RBM15: variants seen among roughly 807,000 people sequenced by gnomAD.
RBM15 encodes the protein RNA-binding protein 15.
RBM15 carries 8 observed loss-of-function variants against 62.6 expected under a neutral mutation model. The observed-to-expected ratio is 0.13, with a 90% CI of 0.07 to 0.23. RBM15 has a LOEUF of 0.23. Ranked by LOEUF, RBM15 falls within the 10% of genes least tolerant of loss-of-function variation. The pLI is 1.00. For synonymous variants in RBM15, 606 were observed against 505.7 expected, an observed-to-expected ratio of 1.20 and a Z score of -2.66; for missense variants, 1,144 against 1,286.5, an observed-to-expected ratio of 0.89 and a Z score of 1.69.
In RBM15 at chr1:110,340,962, T is replaced by A. The variant is rs1660782237; in HGVS notation, c.1557T>A (p.Asp519Glu). 1 of 1,614,118 alleles carries A rather than the reference T, an allele frequency of 6.2e-7. No individual in the cohort carries two copies. Among genetic ancestry groups the A allele is most frequent in the South Asian group, 1.1e-5 (1 of 91,094 alleles). The change falls in exon 1 of 3, where the codon GAT (aspartate) becomes GAA (glutamate). Residue 519 changes from aspartate (D) to glutamate (E), a missense_variant. Asp to Glu is a conservative substitution (Grantham distance 45, BLOSUM62 2). Transcript: ENST00000369784. The surrounding 1 kb of genome is among the most constrained non-coding windows in gnomAD (Gnocchi z 5.8). ...HMRGFPLGGP[D>E]RRLRVDFADT... ...GGGGCTTCCCACTTGGTGGCCCAGA[T>A]CGACGCCTTAGAGTAGACTTTGCCG...
rs769028870 is a variant in RBM15 at position 110,341,970 on chromosome 1, T to C, written c.2565T>C (p.Asn855=). 5 of 1,614,218 alleles carry C rather than the reference T, an allele frequency of 3.1e-6. No individual in the cohort carries two copies. Among genetic ancestry groups the C allele is most frequent in the Non-Finnish European group, 4.2e-6 (5 of 1,180,034 alleles). ...VTRRIKVAGP[N]GYAILLAVPG... ...GACGCATCAAAGTAGCAGGGCCCAA[T>C]GGTTATGCCATTCTTTTGGCTGTGC... The change falls in exon 1 of 3, where the codon AAT becomes AAC. Residue 855 remains asparagine, a synonymous_variant. Transcript: ENST00000369784. The surrounding 1 kb of genome is among the most constrained non-coding windows in gnomAD (Gnocchi z 4.5).
chr1:110,343,026 T>G (rs1263336374), intron 1 of RBM15, among the ~76,000 whole-genome samples: 1 of 152,232 alleles, frequency 6.6e-6, no homozygotes, highest in Non-Finnish European at 1.5e-5. Context: ...AAAATCAGAA[T>G]TCTTTGGTCA....
chr1:110,342,361 T>G, intron 1 of RBM15, 93 bp downstream of exon 1: 1 of 1,032,014 alleles, frequency 9.7e-7, no homozygotes, highest in Non-Finnish European at 1.4e-6. Flanking sequence ...CAGATGCAAT[T>G]TTCTTTTTAG....
rs1660771767 is a variant in RBM15, at chr1:110,340,426, C to T, written c.1021C>T (p.Pro341Ser). 1.9e-6 allele frequency: 3 copies of T among 1,614,032 alleles called. No homozygotes were observed. Among genetic ancestry groups the T allele is most frequent in the Non-Finnish European group, 2.5e-6 (3 of 1,180,038 alleles). Residue 341 changes from proline to serine, a missense_variant, in exon 1 of 3, where the codon CCT becomes TCT. Pro to Ser is a moderately conservative substitution (Grantham distance 74). Around this residue, in one of 8 missense-constraint regions of RBM15, gnomAD observed 33 missense variants for 39.6 expected, o/e 0.83. Coordinates refer to ENST00000369784, the MANE Select transcript of RBM15 (RefSeq NM_022768.5). The surrounding 1 kb of genome is among the most constrained non-coding windows in gnomAD (Gnocchi z 5.8). ...CTACCCGTTCTATGAGAGAGTGCGC[C>T]CTGCATACAGTCTTGAGCCAAGGGT... ...RDYPFYERVR[P>S]AYSLEPRVGA...
intron 1 of RBM15, among the ~76,000 whole-genome samples, chr1:110,344,896 G>C (rs1031779001): frequency 1.3e-5 from 2 of 152,086 alleles, no homozygotes; most frequent in African/African-American, 4.8e-5. Context: ...ATCATTTAAT[G>C]ACTATTAAGT....
At position 110,345,526 on chromosome 1, in the gene RBM15, G is replaced by A; in HGVS notation, c.2864-13G>A. On this transcript the variant is annotated splice_polypyrimidine_tract_variant and intron_variant, in intron 1 of 2. Transcript: ENST00000369784. ...AGAATTTCTGGACATTTTTTTTTCT[G>A]TCTCTCTCACAGGGTTTGGTTTTCA... 2 of 1,567,248 alleles carry A rather than the reference G, an allele frequency of 1.3e-6. No individual in the cohort carries two copies. Among genetic ancestry groups the A allele is most frequent in the Non-Finnish European group, 1.7e-6 (2 of 1,143,330 alleles).
chr1:110,341,160 T>C lies in RBM15; in HGVS notation c.1755T>C (p.Asp585=). Residue 585 remains aspartate (D), a synonymous_variant, in exon 1 of 3, where the codon GAT becomes GAC. Coordinates refer to ENST00000369784, the MANE Select transcript of RBM15 (RefSeq NM_022768.5). This position sits in a 1 kb window ranked among gnomAD's most constrained non-coding sequence, Gnocchi z 4.5. The part of the protein sequence containing the change: ...DRDRDLYPDS[D]WVPPPPPVRE... Reference sequence around the variant, plus strand: ...ATAGGGACCTTTATCCTGACTCTGATTGGGTGCCACCCCCACCCCCAGTCC... The same window carrying C: ...ATAGGGACCTTTATCCTGACTCTGACTGGGTGCCACCCCCACCCCCAGTCC... 3 of 1,614,034 alleles carry C rather than the reference T, an allele frequency of 1.9e-6. No homozygotes were observed. The South Asian group carries it at 3.3e-5, about 18-fold the overall frequency.
Position 110,340,281 on chromosome 1 carries a change from A to C in RBM15, c.876A>C (p.Ser292=), listed in dbSNP as rs997538343. The change falls in exon 1 of 3, where the codon TCA becomes TCC. Residue 292 remains serine (S), a synonymous_variant. Coordinates refer to ENST00000369784, the MANE Select transcript of RBM15 (RefSeq NM_022768.5). The surrounding 1 kb of genome is among the most constrained non-coding windows in gnomAD (Gnocchi z 5.8). ...HPPGGGGGQR[S]LSPGGAALGY... is the part of the protein sequence containing the mutation. ...CTGGAGGTGGTGGAGGCCAGAGATC[A>C]CTTTCCCCTGGTGGCGCTGCTTTGG... is the stretch of plus-strand genomic sequence containing the variant. 6.2e-7 allele frequency: 1 copy of C among 1,614,084 alleles called. No individual in the cohort carries two copies. The highest frequency in any genetic ancestry group is 1.3e-5 in the African/African-American group (1 of 74,920).
intron 1 of RBM15, among the ~76,000 whole-genome samples, chr1:110,344,246 C>T (rs1164985290): frequency 6.6e-6 from 1 of 152,098 alleles, no homozygotes; most frequent in Non-Finnish European, 1.5e-5. Flanking sequence ...TACATTTTTC[C>T]AGTTTAAATA....
At position 110,341,557 on chromosome 1, in the gene RBM15, GACCGTAAAA is replaced by G. The variant is rs1284841927; in HGVS notation, c.2155_2163del (p.Arg719_Asn721del). The G allele has an allele frequency of 6.2e-7, 1 of 1,614,090 alleles. No individual in the cohort carries two copies. Among genetic ancestry groups the G allele is most frequent in the East Asian group, 2.2e-5 (1 of 44,866 alleles). The stretch of plus-strand genomic sequence containing the variant: ...GGAGAAGAGCCAGGGTGACAAGCGA[GACCGTAAAA>G]ACTCTGCATCAGCTGAACGAGATAG... On this transcript the variant is annotated inframe_deletion, in exon 1 of 3. Transcript: ENST00000369784. This position sits in a 1 kb window ranked among gnomAD's most constrained non-coding sequence, Gnocchi z 4.5.
At position 110,340,893 on chromosome 1, in the gene RBM15, G is replaced by A. The variant is rs749936145; in HGVS notation, c.1488G>A (p.Gln496=). 6.2e-7 allele frequency: 1 copy of A among 1,614,222 alleles called. No homozygotes were observed. The highest frequency in any genetic ancestry group is 8.5e-7 in the Non-Finnish European group (1 of 1,180,044). ...YRKGDSWAYI[Q]YESLDAAHAA... is the part of the protein sequence containing the mutation. Reference sequence around the variant, plus strand: ...AAGGTGATAGTTGGGCATATATCCAGTATGAAAGCCTGGATGCAGCGCATG... The same window carrying A: ...AAGGTGATAGTTGGGCATATATCCAATATGAAAGCCTGGATGCAGCGCATG... The change falls in exon 1 of 3, where the codon CAG becomes CAA. Residue 496 remains glutamine, a synonymous_variant. Transcript: ENST00000369784. This position sits in a 1 kb window ranked among gnomAD's most constrained non-coding sequence, Gnocchi z 5.8.
At chr1:110,342,428 T>G in intron 1 of RBM15, 160 bp downstream of exon 1, 1 of 553,630 alleles carries the variant, frequency 1.8e-6, no homozygotes, top group Non-Finnish European at 3.0e-6. Flanking sequence ...AAAATAGAAA[T>G]CAGGACAGTT....
chr1:110,346,356 G>A lies in RBM15; in HGVS notation c.*89G>A. 6.3e-7 allele frequency: 1 copy of A among 1,598,068 alleles called. No individual in the cohort carries two copies. Among genetic ancestry groups the A allele is most frequent in the South Asian group, 1.1e-5 (1 of 91,054 alleles). Reference sequence around the variant, plus strand: ...AAGATATGGAATTCAAAGCTCTAATGGACCTTTTTGAAGAGAAGTTGTGGC... The same window carrying A: ...AAGATATGGAATTCAAAGCTCTAATAGACCTTTTTGAAGAGAAGTTGTGGC... On this transcript the variant is annotated 3_prime_UTR_variant, in exon 3 of 3. Coordinates refer to ENST00000369784, the MANE Select transcript of RBM15 (RefSeq NM_022768.5).
At chr1:110,342,511 A>T (rs1403240020) in intron 1 of RBM15, 1 of 403,160 alleles carries the variant, frequency 2.5e-6, no homozygotes, top group Non-Finnish European at 4.4e-6. Context: ...GCAGGCAGAC[A>T]GATTTGCTTT....
At position 110,340,247 on chromosome 1, in the gene RBM15, G is replaced by A. The variant is rs1376959933; in HGVS notation, c.842G>A (p.Arg281Gln). Residue 281 changes from arginine to glutamine, a missense_variant, in exon 1 of 3, where the codon CGG (arginine) becomes CAG (glutamine). By Grantham distance (43) the Arg-to-Gln change is conservative. Coordinates refer to ENST00000369784, the MANE Select transcript of RBM15 (RefSeq NM_022768.5). This position sits in a 1 kb window ranked among gnomAD's most constrained non-coding sequence, Gnocchi z 5.8. ...GTCGGGGCCTCTGTAGGTGGTCACCGGCACCCCCCTGGAGGTGGTGGAGGC... is the reference window on the plus strand; with the variant it reads ...GTCGGGGCCTCTGTAGGTGGTCACCAGCACCCCCCTGGAGGTGGTGGAGGC... ...SVVGASVGGH[R>Q]HPPGGGGGQR... is the part of the protein sequence containing the mutation. The A allele has an allele frequency of 1.2e-6, 2 of 1,614,076 alleles. No individual in the cohort carries two copies. Among genetic ancestry groups the A allele is most frequent in the African/African-American group, 1.3e-5 (1 of 74,910 alleles).
chr1:110,345,393 A>G, intron 1 of RBM15, 146 bp from the exon 2 acceptor site: 1 of 684,670 alleles, frequency 1.5e-6, no homozygotes, highest in Non-Finnish European at 2.6e-6. Context: ...CTTGAACTAT[A>G]GTTTGGGTCC....
Position 110,340,860 on chromosome 1 carries a change from C to T in RBM15, c.1455C>T (p.Asp485=). The T allele has an allele frequency of 1.2e-6, 2 of 1,614,236 alleles. No homozygotes were observed. Among genetic ancestry groups the T allele is most frequent in the Admixed American group, 1.7e-5 (1 of 60,030 alleles). Residue 485 remains aspartate (D), a synonymous_variant, in exon 1 of 3, where the codon GAC becomes GAT. Coordinates refer to ENST00000369784, the MANE Select transcript of RBM15 (RefSeq NM_022768.5). The surrounding 1 kb of genome is among the most constrained non-coding windows in gnomAD (Gnocchi z 5.8). ...GATTTGGCACCATACGCACCATAGA[C>T]TACCGAAAAGGTGATAGTTGGGCAT... ...FDRFGTIRTI[D]YRKGDSWAYI...
Position 110,339,896 on chromosome 1 carries a change from G to C in RBM15, c.491G>C (p.Gly164Ala). 6.2e-7 allele frequency: 1 copy of C among 1,605,200 alleles called. No homozygotes were observed. Among genetic ancestry groups the C allele is most frequent in the Non-Finnish European group, 8.5e-7 (1 of 1,172,714 alleles). Residue 164 changes from glycine (G) to alanine (A), a missense_variant, in exon 1 of 3, where the codon GGG becomes GCG. By Grantham distance (60) the Gly-to-Ala change is moderately conservative. Around this residue, in one of 8 missense-constraint regions of RBM15, gnomAD observed 298 missense variants for 250.0 expected, o/e 1.19. Coordinates refer to ENST00000369784, the MANE Select transcript of RBM15 (RefSeq NM_022768.5). Reference protein sequence around the residue: ...SGAASSAPGGGDGAEYKTLKI... With the variant: ...SGAASSAPGGADGAEYKTLKI... ...GCCGCCTCCTCAGCTCCCGGCGGCGGGGACGGCGCGGAATACAAGACTCTG... is the reference window on the plus strand; with the variant it reads ...GCCGCCTCCTCAGCTCCCGGCGGCGCGGACGGCGCGGAATACAAGACTCTG...
rs780351383 is a variant in RBM15 at position 110,341,832 on chromosome 1, C to T, written c.2427C>T (p.Asp809=). Residue 809 remains aspartate (D), a synonymous_variant, in exon 1 of 3, where the codon GAC becomes GAT. Transcript: ENST00000369784. The surrounding 1 kb of genome is among the most constrained non-coding windows in gnomAD (Gnocchi z 4.5). ...CCAACATGCATCTGTTGCAGGGTGA[C>T]CTCCAAGTGGCTAGTAGTCTTCTTG... is the stretch of plus-strand genomic sequence containing the variant. The part of the protein sequence containing the change: ...FPSNMHLLQG[D]LQVASSLLVE... 5 of 1,614,086 alleles carry T rather than the reference C, an allele frequency of 3.1e-6. No individual in the cohort carries two copies. The African/African-American group carries it at 5.3e-5, about 17-fold the overall frequency.
Sources: gnomAD v4.1 joint callset for allele counts (sites outside exome capture counted in the v4.1 genomes callset) on GRCh38, gnomAD v4.1.1 for gene constraint, gnomAD v4.1.1 regional missense constraint, Gnocchi (gnomAD v3.1) non-coding constraint, MANE v1.5 for transcripts, NCBI Gene and HGNC (gene_info 2026-07-23, HGNC 2026-07-21) for gene names.